The following MYOCD variants were observed in gnomAD, a reference collection of about 807,000 sequenced individuals.
MYOCD encodes the protein myocardin.
A neutral mutation model predicts 96.1 loss-of-function variants in MYOCD; 32 were observed. The ratio of observed to expected loss-of-function variants is 0.33; its 90% CI spans 0.25 to 0.45. The LOEUF (loss-of-function observed/expected upper bound fraction) is 0.45, where lower values mean the gene tolerates loss of function less well. MYOCD is among the 20% of genes least tolerant of loss of function. The probability of loss-of-function intolerance (pLI) is 1.00; values close to 1 mark genes in which losing one functional copy is unlikely to be tolerated. For missense variants in MYOCD, 1,133 were observed against 1,200.6 expected (o/e 0.94, Z 0.83); for synonymous variants, 469 against 469.0 (o/e 1.00, Z 0.00).
rs2150736002 is a variant in MYOCD, at chr17:12,768,514, T to C, written c.*4870T>C. Reference sequence around the variant, plus strand: ...TGCTCCCATCGTGAACCCTGGAGCATGCATTTCCTAGAAGTGGTTTCATAG... The same window carrying C: ...TGCTCCCATCGTGAACCCTGGAGCACGCATTTCCTAGAAGTGGTTTCATAG... On this transcript the variant is annotated 3_prime_UTR_variant, in exon 14 of 14. Transcript: ENST00000425538. The C allele has an allele frequency of 6.6e-6, 1 of 152,290 alleles. No individual in the cohort carries two copies. Among genetic ancestry groups the C allele is most frequent in the South Asian group, 2.1e-4 (1 of 4,820 alleles). 9.4% of individuals were successfully genotyped at this position (152,290 alleles called of 1,614,324 possible). A position where few individuals can be genotyped will look rare whatever the true frequency, so the allele number is the denominator to read the frequency against.
intron 1 of MYOCD, among the ~76,000 whole-genome samples, chr17:12,677,785 T>G (rs1402990509): frequency 6.6e-6 from 1 of 152,150 alleles, no homozygotes; most frequent in South Asian, 2.1e-4. Context: ...AATTTACAAT[T>G]ATTTATGTTA....
chr17:12,677,065 G>A (rs1597724484), intron 1 of MYOCD, among the ~76,000 whole-genome samples: 1 of 152,136 alleles, frequency 6.6e-6, no homozygotes, highest in South Asian at 2.1e-4. Flanking sequence ...TTCACACTAT[G>A]CAGCCATAAA....
intron 4 of MYOCD, among the ~76,000 whole-genome samples, chr17:12,722,573 T>G (rs1567586791): frequency 6.6e-6 from 1 of 152,158 alleles, no homozygotes; most frequent in Non-Finnish European, 1.5e-5. Context: ...TGCAGACTGG[T>G]TGCTTACAAA....
intron 7 of MYOCD, among the ~76,000 whole-genome samples, chr17:12,739,884 G>A (rs963225743): frequency 6.6e-6 from 1 of 152,154 alleles, no homozygotes; most frequent in Non-Finnish European, 1.5e-5. Flanking sequence ...TTTTGGGGGT[G>A]CAGGTGGTTT....
intron 10 of MYOCD, 76 bp downstream of exon 10, chr17:12,753,422 C>G (rs1366564446): frequency 1.5e-6 from 2 of 1,317,340 alleles, no homozygotes; most frequent in African/African-American, 2.9e-5. Flanking sequence ...TGCTAAAGAG[C>G]TAATGTCAGA....
chr17:12,739,020 TAC>T (rs923166147), intron 6 of MYOCD, among the ~76,000 whole-genome samples, 181 bp from the exon 7 acceptor site: 1 of 152,082 alleles, frequency 6.6e-6, no homozygotes. Context: ...TACATATATA[TAC>T]ACACACACAT....
chr17:12,748,454 T>A (rs1045000542), intron 9 of MYOCD, among the ~76,000 whole-genome samples: 2 of 152,130 alleles, frequency 1.3e-5, no homozygotes, highest in African/African-American at 4.8e-5. Context: ...GTGATAATTG[T>A]TGAAGTTTGT....
At chr17:12,674,298 G>C (rs1222790801) in intron 1 of MYOCD, among the ~76,000 whole-genome samples, 1 of 152,054 alleles carries the variant, frequency 6.6e-6, no homozygotes, top group Non-Finnish European at 1.5e-5. Flanking sequence ...TAGATTTAAT[G>C]TGCCTCTTTC....
chr17:12,763,232 A>G lies in MYOCD; in HGVS notation c.2549A>G (p.Asp850Gly). 1 of 1,614,142 alleles carries G rather than the reference A, an allele frequency of 6.2e-7. No homozygotes were observed. The highest frequency in any genetic ancestry group is 1.1e-5 in the South Asian group (1 of 91,078). Residue 850 changes from aspartate to glycine, a missense_variant, in exon 14 of 14, where the codon GAC becomes GGC. Transcript: ENST00000425538. ...SQIPFDPYAT[D>G]SDEHLEVLLN... is the part of the protein sequence containing the mutation. ...ATCCCCTTTGATCCCTATGCCACCG[A>G]CAGTGATGAGCATCTTGAAGTCTTA...
At chr17:12,706,781 T>G (rs933005436) in intron 2 of MYOCD, among the ~76,000 whole-genome samples, 2 of 152,190 alleles carry the variant, frequency 1.3e-5, no homozygotes, top group Non-Finnish European at 2.9e-5. Flanking sequence ...ATATAATATT[T>G]TGTTCCCCAG....
chr17:12,737,424 G>A (rs1454340546), intron 6 of MYOCD, among the ~76,000 whole-genome samples: 1 of 152,180 alleles, frequency 6.6e-6, no homozygotes, highest in Non-Finnish European at 1.5e-5. Context: ...GACAGAGAAG[G>A]AACTAAAGCT....
At chr17:12,700,881 G>A (rs988207419) in intron 1 of MYOCD, among the ~76,000 whole-genome samples, 1 of 152,002 alleles carries the variant, frequency 6.6e-6, no homozygotes, top group African/African-American at 2.4e-5. Flanking sequence ...TAAGACTGCC[G>A]GGGCCTGAAT....
intron 12 of MYOCD, among the ~76,000 whole-genome samples, chr17:12,758,836 G>A (rs1422720763): frequency 1.3e-5 from 2 of 152,138 alleles, no homozygotes; most frequent in East Asian, 1.9e-4. Flanking sequence ...ATCACCTGAG[G>A]TCAGGAGTTT....
At chr17:12,752,076 C>A (rs1480490173) in intron 9 of MYOCD, among the ~76,000 whole-genome samples, 1 of 152,100 alleles carries the variant, frequency 6.6e-6, no homozygotes, top group Non-Finnish European at 1.5e-5. Context: ...GTGTCTAAAC[C>A]CAGGCAGATA....
intron 3 of MYOCD, among the ~76,000 whole-genome samples, chr17:12,716,945 G>A (rs567278855): frequency 8.1e-5 from 11 of 136,364 alleles, no homozygotes; most frequent in African/African-American, 3.2e-4. Context: ...AGCTTTGATT[G>A]TGCCACTGCA....
At chr17:12,746,727 CTT>C (rs3050321) in intron 9 of MYOCD, among the ~76,000 whole-genome samples, 4 of 114,894 alleles carry the variant, frequency 3.5e-5, no homozygotes, top group Non-Finnish European at 3.4e-5. Flanking sequence ...TGGTGCCTAC[CTT>C]TTTTTTTTTT....
rs776845653 is a variant in MYOCD at position 12,705,193 on chromosome 17, C to T, written c.121C>T (p.Pro41Ser). The stretch of plus-strand genomic sequence containing the variant: ...ACTGGCTAACCAAGGCATAATACCA[C>T]GTGAGTACCTGCATCTCTTAATTAC... ...EQLANQGIIP[P>S]LKRPAEFHEQ... The change falls in exon 2 of 14, where the codon CCA becomes TCA. Residue 41 changes from proline to serine, a missense_variant and splice_region_variant. Transcript: ENST00000425538. The T allele has an allele frequency of 1.2e-5, 20 of 1,608,272 alleles. No individual in the cohort carries two copies. The highest frequency in any genetic ancestry group is 3.3e-5 in the Admixed American group (2 of 59,944).
chr17:12,719,174 C>CAAAAAA lies in MYOCD; in HGVS notation c.253+1778_253+1783dup, dbSNP rs71144920. On this transcript the variant is annotated intron_variant, in intron 4 of 13. Transcript: ENST00000425538. The stretch of plus-strand genomic sequence containing the variant: ...GGGGCCACAGAGGGAGACTCTGTCT[C>CAAAAAA]AAAAAAAAAAAAAAAAAAAAAAAAA... Among the ~76,000 whole-genome samples the CAAAAAA allele has an allele frequency of 6.1e-4, 30 of 49,156 alleles. 1 individual carries two copies. The highest frequency in any genetic ancestry group is 1.7e-3 in the African/African-American group (14 of 8,288). 32.2% of individuals were successfully genotyped at this position (49,156 alleles called of 152,430 possible). A position where few individuals can be genotyped will look rare whatever the true frequency, so the allele number is the denominator to read the frequency against.
rs961780676 is a variant in MYOCD, at chr17:12,678,067, A to G, written c.55+11824A>G. Among the ~76,000 whole-genome samples the G allele has an allele frequency of 9.9e-5, 15 of 150,848 alleles. No homozygotes were observed. The East Asian group carries it at 2.0e-3, about 20-fold the overall frequency. On this transcript the variant is annotated intron_variant, in intron 1 of 13. Coordinates refer to ENST00000425538, the MANE Select transcript of MYOCD (RefSeq NM_001146312.3). ...ACCACCACGCCCAGCTAATTTTTGT[A>G]TTTTTAGTAGAGATGGGGTTTCACC...
Sources: gnomAD v4.1 joint callset for allele counts (sites outside exome capture counted in the v4.1 genomes callset) on GRCh38, gnomAD v4.1.1 for gene constraint, MANE v1.5 for transcripts, NCBI Gene and HGNC (gene_info 2026-07-23, HGNC 2026-07-21) for gene names.